Variants in STOX2 observed in about 807,000 individuals in gnomAD.
STOX2 encodes the protein storkhead-box protein 2.
A neutral mutation model predicts 60.9 loss-of-function variants in STOX2; 28 were observed. The observed-to-expected ratio is 0.46, with a 90% CI of 0.34 to 0.63. The LOEUF is 0.63. Among genes scored for constraint, STOX2 ranks in the 30% least tolerant of loss-of-function variants. The pLI, the probability that STOX2 is intolerant of heterozygous loss-of-function variation, is 0.01. For synonymous variants in STOX2, 472 were observed against 463.9 expected (o/e 1.02, Z -0.22); for missense variants, 1,024 against 1,187.7 (o/e 0.86, Z 2.03).
intron 3 of STOX2, among the ~76,000 whole-genome samples, chr4:184,012,803 G>A (rs1734219182): frequency 6.6e-6 from 1 of 151,992 alleles, no homozygotes; most frequent in Admixed American, 6.6e-5. Flanking sequence ...TCTACTAAGT[G>A]GCTTTTCTAA....
At chr4:183,996,708 T>G (rs2111216615) in intron 1 of STOX2, among the ~76,000 whole-genome samples, 1 of 152,290 alleles carries the variant, frequency 6.6e-6, no homozygotes, top group East Asian at 1.9e-4. Context: ...TAAACTTCAC[T>G]TAATATATAA....
intron 1 of STOX2, among the ~76,000 whole-genome samples, chr4:183,981,798 C>T (rs1732666541): frequency 1.3e-5 from 2 of 152,286 alleles, no homozygotes; most frequent in South Asian, 4.1e-4. Context: ...CGGCTGGGCG[C>T]AGTGGCTGAC....
Position 183,865,472 on chromosome 4 carries a change from T to C in STOX2, c.364+67417T>C, listed in dbSNP as rs1329470730. On this transcript the variant is annotated intron_variant, in intron 1 of 2. Transcript: ENST00000513034. The surrounding 1 kb of genome is among the most constrained non-coding windows in gnomAD (Gnocchi z 4.1). ...ATCTATGAATAAAAAGCCCGTATTT[T>C]CTCTAAATGAGCTTACGGTCTGTTT... Among the ~76,000 whole-genome samples the C allele has an allele frequency of 6.6e-6, 1 of 152,214 alleles. No homozygotes were observed. Among genetic ancestry groups the C allele is most frequent in the Admixed American group, 6.5e-5 (1 of 15,278 alleles).
chr4:183,828,968 G>GT (rs1739498509), intron 1 of STOX2, among the ~76,000 whole-genome samples: 1 of 152,214 alleles, frequency 6.6e-6, no homozygotes, highest in Admixed American at 6.5e-5. Flanking sequence ...GATTTAAGTT[G>GT]TAACAGGCAG....
intron 1 of STOX2, among the ~76,000 whole-genome samples, chr4:183,971,085 G>T (rs1164246635): frequency 7.9e-5 from 12 of 152,116 alleles, no homozygotes; most frequent in East Asian, 1.9e-4. Flanking sequence ...TATCTGAGGG[G>T]TTTTTTTGGT....
chr4:183,958,398 T>C (rs1456457275), intron 1 of STOX2, among the ~76,000 whole-genome samples: 1 of 152,144 alleles, frequency 6.6e-6, no homozygotes, highest in African/African-American at 2.4e-5. Context: ...ACCATATATA[T>C]AAAATAGTAA....
rs1403732011 is a variant in STOX2 at position 183,856,366 on chromosome 4, G to A, written c.364+58311G>A. 1.3e-5 allele frequency among the ~76,000 whole-genome samples: 2 copies of A among 152,194 alleles called. No homozygotes were observed. The highest frequency in any genetic ancestry group is 2.1e-4 in the South Asian group (1 of 4,836). ...CCTTCAGGAGAACAGACGCAAATAC[G>A]CACAAACAGTTGCAAAGTGAACACT... On this transcript the variant is annotated intron_variant, in intron 1 of 2. Coordinates refer to the STOX2 transcript ENST00000513034. This position sits in a 1 kb window ranked among gnomAD's most constrained non-coding sequence, Gnocchi z 4.0.
rs145204366 is a variant in STOX2, at chr4:184,018,960, C to T, written c.*1676C>T. The T allele has an allele frequency of 2.6e-5, 4 of 152,290 alleles. No individual in the cohort carries two copies. The East Asian group carries it at 7.7e-4, about 29-fold the overall frequency. 9.4% of individuals were successfully genotyped at this position (152,290 alleles called of 1,614,324 possible). A position where few individuals can be genotyped will look rare whatever the true frequency, so the allele number is the denominator to read the frequency against. On this transcript the variant is annotated 3_prime_UTR_variant, in exon 4 of 4. Transcript: ENST00000308497. ...CAAAATAAATCTAGAATATTTTCAC[C>T]TCCAATTTCAGTAATTGGCATATGA... is the stretch of plus-strand genomic sequence containing the variant.
intron 1 of STOX2, among the ~76,000 whole-genome samples, chr4:183,964,265 G>A (rs76357970): frequency 0.021 from 3,272 of 152,296 alleles, 123 homozygotes; most frequent in African/African-American, 0.075. Context: ...ATGTTATGTT[G>A]AGAAAGGACT....
rs1306153000 is a variant in STOX2, at chr4:184,023,264, G to A, written c.*5980G>A. ...ATGAAATAATTACAGTTCATGAAAT[G>A]TCTTCCCTAATGTTACTGATTTATA... On this transcript the variant is annotated 3_prime_UTR_variant, in exon 4 of 4. Coordinates refer to ENST00000308497, the MANE Select transcript of STOX2 (RefSeq NM_020225.3). The A allele has an allele frequency of 6.6e-6, 1 of 152,156 alleles. No individual in the cohort carries two copies. Among genetic ancestry groups the A allele is most frequent in the African/African-American group, 2.4e-5 (1 of 41,450 alleles). The allele number at this position is 152,156 out of a possible 1,614,324, so 9.4% of individuals were successfully genotyped here.
chr4:183,910,865 T>C (rs1399887281), intron 1 of STOX2, among the ~76,000 whole-genome samples: 4 of 152,264 alleles, frequency 2.6e-5, no homozygotes, highest in Admixed American at 2.6e-4. Flanking sequence ...TTGATTAGTT[T>C]ATTAGTTTTC....
intron 2 of STOX2, among the ~76,000 whole-genome samples, chr4:184,002,868 T>C (rs778261318): frequency 1.2e-4 from 19 of 152,234 alleles, no homozygotes; most frequent in Non-Finnish European, 2.2e-4. Context: ...CCTTGTGATA[T>C]TTCTTCCTTT....
At chr4:184,008,931 C>A (rs1218209384) in intron 2 of STOX2, among the ~76,000 whole-genome samples, 1 of 152,198 alleles carries the variant, frequency 6.6e-6, no homozygotes, top group East Asian at 1.9e-4. Context: ...TAACTTCCAT[C>A]TCTGTCTTCC....
intron 1 of STOX2, among the ~76,000 whole-genome samples, chr4:183,835,122 AT>A (rs113937383): frequency 0.01 from 1,418 of 140,714 alleles, 7 homozygotes; most frequent in South Asian, 0.011. Flanking sequence ...CAAGTTACCT[AT>A]TTTTTTTTTT....
intron 1 of STOX2, among the ~76,000 whole-genome samples, chr4:183,871,471 TATGAGA>T (rs1255117630): frequency 6.6e-6 from 1 of 152,196 alleles, no homozygotes; most frequent in Non-Finnish European, 1.5e-5. Flanking sequence ...TTAGTTTTGG[TATGAGA>T]ACATTCTGGT....
intron 1 of STOX2, among the ~76,000 whole-genome samples, chr4:183,832,486 C>CTTTTT (rs57764548): frequency 2.7e-5 from 2 of 74,044 alleles, no homozygotes; most frequent in Admixed American, 1.9e-4. Context: ...ATAACCGACT[C>CTTTTT]TTTTTTTTTT....
chr4:183,824,611 G>A (rs1227407698), intron 1 of STOX2, among the ~76,000 whole-genome samples: 3 of 152,190 alleles, frequency 2.0e-5, no homozygotes, highest in Non-Finnish European at 4.4e-5. Context: ...TTAATTTGCT[G>A]TAAACTGGTA....
At chr4:183,826,649 C>T (rs1739440277) in intron 1 of STOX2, among the ~76,000 whole-genome samples, 1 of 152,228 alleles carries the variant, frequency 6.6e-6, no homozygotes, top group African/African-American at 2.4e-5. Flanking sequence ...CAGGTCACAC[C>T]ATCGCCCTCA....
intron 1 of STOX2, among the ~76,000 whole-genome samples, chr4:183,848,004 G>A (rs1012913463): frequency 3.4e-4 from 52 of 152,324 alleles, no homozygotes; most frequent in Middle Eastern, 3.4e-3. Flanking sequence ...AGTAGGAAAT[G>A]GAGGGATATT....
Sources: allele counts gnomAD v4.1 joint callset (sites outside exome capture counted in the v4.1 genomes callset), GRCh38; gene constraint gnomAD v4.1.1; non-coding constraint Gnocchi (gnomAD v3.1); transcripts MANE v1.5; gene names NCBI Gene and HGNC (gene_info 2026-07-23, HGNC 2026-07-21).